GRB14: variants seen among roughly 807,000 people sequenced by gnomAD.
GRB14 encodes the protein growth factor receptor bound protein 14.
A neutral mutation model predicts 69.1 loss-of-function variants in GRB14; 38 were observed. The observed-to-expected ratio is 0.55, with a 90% CI of 0.42 to 0.72. The LOEUF is 0.72. Among genes scored for constraint, GRB14 ranks in the 30% least tolerant of loss-of-function variants. The pLI is 0.00. For synonymous variants in GRB14, 247 were observed against 241.3 expected (o/e 1.02, Z -0.22); for missense variants, 666 against 666.1 (o/e 1.00, Z 0.00).
intron 6 of GRB14, among the ~76,000 whole-genome samples, chr2:164,515,404 T>C (rs1447659631): frequency 6.6e-6 from 1 of 152,082 alleles, no homozygotes; most frequent in African/African-American, 2.4e-5. Flanking sequence ...GCAGACACTC[T>C]CCAGTACCAG....
At chr2:164,513,902 T>A (rs887288834) in intron 6 of GRB14, among the ~76,000 whole-genome samples, 1 of 152,208 alleles carries the variant, frequency 6.6e-6, no homozygotes, top group Non-Finnish European at 1.5e-5. Flanking sequence ...ACCAATGCGT[T>A]GCATAAAATG....
chr2:164,615,057 T>C (rs1690255350), intron 2 of GRB14, among the ~76,000 whole-genome samples: 1 of 152,184 alleles, frequency 6.6e-6, no homozygotes, highest in Admixed American at 6.5e-5. Flanking sequence ...AACAGTGTGG[T>C]AAGGGACAGG....
At chr2:164,554,997 C>T (rs1478266361) in intron 2 of GRB14, among the ~76,000 whole-genome samples, 5 of 151,976 alleles carry the variant, frequency 3.3e-5, no homozygotes, top group Non-Finnish European at 5.9e-5. Flanking sequence ...AAGTCAAAGG[C>T]CATTTCTAAA....
chr2:164,569,494 C>G (rs562945040), intron 2 of GRB14, among the ~76,000 whole-genome samples: 1 of 152,114 alleles, frequency 6.6e-6, no homozygotes, highest in Non-Finnish European at 1.5e-5. Flanking sequence ...CTGCCTTCAG[C>G]GGGAGAAGAA....
intron 6 of GRB14, among the ~76,000 whole-genome samples, chr2:164,509,189 G>C (rs754319446): frequency 7.9e-5 from 12 of 152,182 alleles, no homozygotes; most frequent in Non-Finnish European, 2.9e-5. Flanking sequence ...TTTTGGAAAC[G>C]TATTCCTCAT....
rs762173199 is a variant in GRB14 at position 164,547,796 on chromosome 2, T to C, written c.345A>G (p.Glu115=). The C allele has an allele frequency of 1.9e-6, 3 of 1,612,974 alleles. 1 individual carries two copies. In the South Asian group the frequency reaches 3.3e-5, roughly 18 times the overall value. The change falls in exon 3 of 14, where the codon GAA becomes GAG. Residue 115 remains glutamate (E), a synonymous_variant. Transcript: ENST00000263915. ...CATCTAAAGCCCTGCTGGTTTCATC[T>C]TCACTGTATACTTTAATCACCTGTG... is the stretch of plus-strand genomic sequence containing the variant. ...RKKQVIKVYS[E]DETSRALDVP...
chr2:164,542,035 A>G (rs1688252989), intron 3 of GRB14, among the ~76,000 whole-genome samples: 1 of 152,196 alleles, frequency 6.6e-6, no homozygotes, highest in African/African-American at 2.4e-5. Flanking sequence ...CCATATTATA[A>G]TCCTACAGTA....
At chr2:164,497,535 G>GTT (rs71393624) in intron 9 of GRB14, 45 bp from the exon 10 acceptor site, 2 of 1,222,520 alleles carry the variant, frequency 1.6e-6, no homozygotes, top group African/African-American at 3.0e-5. Flanking sequence ...TTCTTTGAAA[G>GTT]TTATCTTTCA....
chr2:164,600,281 T>C (rs934304043), intron 2 of GRB14, among the ~76,000 whole-genome samples: 1 of 152,212 alleles, frequency 6.6e-6, no homozygotes, highest in Non-Finnish European at 1.5e-5. Flanking sequence ...TATACTTTAA[T>C]TTTAAAAGCA....
chr2:164,599,006 G>C (rs1030282466), intron 2 of GRB14, among the ~76,000 whole-genome samples: 3 of 152,154 alleles, frequency 2.0e-5, no homozygotes, highest in African/African-American at 7.2e-5. Context: ...CAATTCTTCT[G>C]TTCTACATGG....
At chr2:164,569,595 T>G (rs1689077016) in intron 2 of GRB14, among the ~76,000 whole-genome samples, 1 of 152,188 alleles carries the variant, frequency 6.6e-6, no homozygotes, top group Admixed American at 6.5e-5. Context: ...TCCATTTCGT[T>G]ATCTTGACTG....
intron 8 of GRB14, among the ~76,000 whole-genome samples, chr2:164,503,442 CAAA>C (rs148268784): frequency 7.1e-3 from 650 of 91,498 alleles, no homozygotes; most frequent in East Asian, 0.038. Flanking sequence ...GGTAATTAGG[CAAA>C]AAAAAAAAAA....
Position 164,492,981 on chromosome 2 carries a change from T to G in GRB14, c.*55A>C. 6.6e-7 allele frequency: 1 copy of G among 1,511,800 alleles called. No homozygotes were observed. The highest frequency in any genetic ancestry group is 1.4e-5 in the African/African-American group (1 of 71,486). 93.6% of individuals were successfully genotyped at this position (1,511,800 alleles called of 1,614,324 possible). A position where few individuals can be genotyped will look rare whatever the true frequency, so the allele number is the denominator to read the frequency against. On this transcript the variant is annotated 3_prime_UTR_variant, in exon 14 of 14. Coordinates refer to ENST00000263915, the MANE Select transcript of GRB14 (RefSeq NM_004490.3). ...TTTCGCCCTTATTTATGGTCTTTTATTATTTTTCTTGAGTCCTTTTCCTTC... is the reference window on the plus strand; with the variant it reads ...TTTCGCCCTTATTTATGGTCTTTTAGTATTTTTCTTGAGTCCTTTTCCTTC...
At chr2:164,619,228 C>T (rs948070331) in intron 2 of GRB14, among the ~76,000 whole-genome samples, 6 of 152,190 alleles carry the variant, frequency 3.9e-5, no homozygotes, top group Admixed American at 2.0e-4. Context: ...CCTTTTGCCA[C>T]AGCATCACTA....
intron 6 of GRB14, among the ~76,000 whole-genome samples, chr2:164,519,270 T>C (rs71426726): frequency 0.1 from 15,902 of 152,046 alleles, 966 homozygotes; most frequent in Middle Eastern, 0.17. Context: ...AGAACAAAAA[T>C]CACATGTTCA....
chr2:164,613,443 C>G (rs1215484425), intron 2 of GRB14, among the ~76,000 whole-genome samples: 1 of 152,068 alleles, frequency 6.6e-6, no homozygotes, highest in African/African-American at 2.4e-5. Context: ...TCTGGACACA[C>G]TGGACTAACA....
At chr2:164,571,523 A>C (rs2105330720) in intron 2 of GRB14, among the ~76,000 whole-genome samples, 1 of 152,330 alleles carries the variant, frequency 6.6e-6, no homozygotes, top group Admixed American at 6.5e-5. Flanking sequence ...TGATAATTGG[A>C]TAGAACAAGA....
chr2:164,545,423 G>C (rs2105308071), intron 3 of GRB14, among the ~76,000 whole-genome samples: 1 of 152,222 alleles, frequency 6.6e-6, no homozygotes, highest in Non-Finnish European at 1.5e-5. Flanking sequence ...GAAAGAGGGA[G>C]ACTTGACACA....
chr2:164,547,708 C>T lies in GRB14; in HGVS notation c.433G>A (p.Asp145Asn), dbSNP rs1486237961. The T allele has an allele frequency of 6.2e-7, 1 of 1,613,786 alleles. No homozygotes were observed. The highest frequency in any genetic ancestry group is 1.3e-5 in the African/African-American group (1 of 75,002). ...TCAAAAAGGGTCCAGCTGTGGTCAT[C>T]AATGTAATGATTCTTCAGGATCAAC... ...QLLILKNHYI[D>N]DHSWTLFEHL... The change falls in exon 3 of 14, where the codon GAT (aspartate) becomes AAT (asparagine). Residue 145 changes from aspartate to asparagine, a missense_variant. Asp to Asn is a conservative substitution (Grantham distance 23). Transcript: ENST00000263915.
Sources: gnomAD v4.1 joint callset for allele counts (sites outside exome capture counted in the v4.1 genomes callset) on GRCh38, gnomAD v4.1.1 for gene constraint, MANE v1.5 for transcripts, NCBI Gene and HGNC (gene_info 2026-07-23, HGNC 2026-07-21) for gene names.